The following FOXN3 variants were observed in gnomAD, a reference collection of about 807,000 sequenced individuals.
FOXN3 encodes forkhead box protein N3.
FOXN3 carries 7 observed loss-of-function variants against 38.4 expected under a neutral mutation model. That is an observed-to-expected ratio of 0.18 (90% CI 0.10 to 0.34). The LOEUF (loss-of-function observed/expected upper bound fraction) is 0.34, where lower values mean the gene tolerates loss of function less well. Ranked by LOEUF, FOXN3 falls within the 10% of genes least tolerant of loss-of-function variation. The pLI is 1.00. For missense variants in FOXN3, 456 were observed against 613.4 expected, an observed-to-expected ratio of 0.74 and a Z score of 2.71; for synonymous variants, 230 against 242.2, an observed-to-expected ratio of 0.95 and a Z score of 0.47.
At chr14:89,432,578 T>C (rs1892183201) in intron 1 of FOXN3, among the ~76,000 whole-genome samples, 4 of 152,162 alleles carry the variant, frequency 2.6e-5, no homozygotes, top group Admixed American at 2.0e-4. Context: ...TTCAAGAAGC[T>C]CACTCATTTG....
At chr14:89,420,885 T>TAAAAAAAAA (rs10654363), upstream of FOXN3, among the ~76,000 whole-genome samples, 3 of 140,820 alleles carry the variant, frequency 2.1e-5, no homozygotes, top group African/African-American at 2.6e-5. Context: ...AGATACGAAT[T>TAAAAAAAAA]AAAAAAAAAA....
chr14:89,240,108 C>T (rs571637450), intron 4 of FOXN3, among the ~76,000 whole-genome samples: 16 of 152,208 alleles, frequency 1.1e-4, no homozygotes, highest in African/African-American at 3.6e-4. Context: ...TTGCCATGGC[C>T]ACACCTCAAA....
chr14:89,524,301 G>A (rs1352811376), intron 1 of FOXN3, among the ~76,000 whole-genome samples: 1 of 137,938 alleles, frequency 7.2e-6, no homozygotes, highest in East Asian at 2.2e-4. Flanking sequence ...GTGAAACCCG[G>A]GGGGCAGAGC....
chr14:89,446,969 G>A (rs1020542435), intron 1 of FOXN3, among the ~76,000 whole-genome samples: 1 of 152,172 alleles, frequency 6.6e-6, no homozygotes, highest in African/African-American at 2.4e-5. Context: ...GGCCAAGGCG[G>A]GTGGATCACC....
intron 3 of FOXN3, among the ~76,000 whole-genome samples, chr14:89,284,116 G>A (rs544119822): frequency 2.0e-5 from 3 of 152,262 alleles, no homozygotes; most frequent in Admixed American, 6.5e-5. Context: ...CGATCCACTC[G>A]CCTTGGCCTC....
At position 89,412,182 on chromosome 14, in the gene FOXN3, C is replaced by A. The variant is rs1238844788; in HGVS notation, c.295G>T (p.Ala99Ser). The change falls in exon 2 of 6, where the codon GCC becomes TCC. Residue 99 changes from alanine to serine, a missense_variant. Physicochemically the swap from Ala to Ser is moderately conservative, Grantham distance 99. This residue lies in a region of FOXN3 where 386 missense variants were observed against 505.2 expected (regional missense o/e 0.76). Coordinates refer to ENST00000557258, the MANE Select transcript of FOXN3 (RefSeq NM_005197.4). The surrounding 1 kb of genome is among the most constrained non-coding windows in gnomAD (Gnocchi z 4.7). ...DLDDDTPPSP[A>S]HSDMPYDARQ... ...GCATCGTAGGGCATGTCAGAGTGGG[C>A]AGGGGATGGGGGGGTGTCATCGTCC... 1 of 1,611,878 alleles carries A rather than the reference C, an allele frequency of 6.2e-7. No individual in the cohort carries two copies. Among genetic ancestry groups the A allele is most frequent in the Non-Finnish European group, 8.5e-7 (1 of 1,178,852 alleles).
At chr14:89,414,513 C>A (rs550192681) in intron 1 of FOXN3, among the ~76,000 whole-genome samples, 1 of 150,566 alleles carries the variant, frequency 6.6e-6, no homozygotes, top group Non-Finnish European at 1.5e-5. Context: ...CTGCTAGACG[C>A]AAGGCCTAAG....
At position 89,530,083 on chromosome 14, in the gene FOXN3, G is replaced by A. The variant is rs7141821; in HGVS notation, c.-15+88945C>T. Among the ~76,000 whole-genome samples, 1,105 of 152,088 alleles carry A rather than the reference G, an allele frequency of 7.3e-3. 5 individuals are homozygous for A. The highest frequency in any genetic ancestry group is 0.025 in the African/African-American group (1,046 of 41,478). ...GCCTCCTGAGTAGCTAGGATTACAG[G>A]TGTGTGCCACCACGCCTGGCTAATT... On this transcript the variant is annotated intron_variant, in intron 1 of 6. Coordinates refer to the FOXN3 transcript ENST00000345097.
intron 4 of FOXN3, among the ~76,000 whole-genome samples, chr14:89,223,694 T>G (rs1862410760): frequency 6.6e-6 from 1 of 152,220 alleles, no homozygotes; most frequent in Non-Finnish European, 1.5e-5. Context: ...CGGCGCTGGT[T>G]GCTGGGGAAG....
intron 3 of FOXN3, among the ~76,000 whole-genome samples, chr14:89,297,256 G>A (rs1034296737): frequency 2.6e-5 from 4 of 152,012 alleles, no homozygotes; most frequent in African/African-American, 7.2e-5. Flanking sequence ...ACAGTATGGC[G>A]GTTCCTAAAA....
rs111284734 is a variant in FOXN3, at chr14:89,345,830, G to C, written c.680+4842C>G. Among the ~76,000 whole-genome samples the C allele has an allele frequency of 3.3e-3, 502 of 152,334 alleles. 4 individuals are homozygous for C. The highest frequency in any genetic ancestry group is 0.011 in the African/African-American group (461 of 41,574). ...CCCACTTAGGGAGACCGAGGTGGTG[G>C]ATCACAAGGTCAGGAGTTCAAGACC... On this transcript the variant is annotated intron_variant, in intron 3 of 5. Coordinates refer to ENST00000557258, the MANE Select transcript of FOXN3 (RefSeq NM_005197.4).
chr14:89,281,734 A>T (rs1488130829), intron 3 of FOXN3, among the ~76,000 whole-genome samples: 1 of 152,222 alleles, frequency 6.6e-6, no homozygotes, highest in Non-Finnish European at 1.5e-5. Flanking sequence ...TAACCAAGCC[A>T]GCCTTAGTAA....
rs551247351 is a variant in FOXN3 at position 89,257,197 on chromosome 14, A to AGG, written c.745+23751_745+23752dup. 1.4e-4 allele frequency among the ~76,000 whole-genome samples: 21 copies of AGG among 152,288 alleles called. No homozygotes were observed. The East Asian group carries it at 4.1e-3, about 29-fold the overall frequency. ...ATGGACCTATTTCCATTCCATCATG[A>AGG]GGGGCTGAGTCCCACCACCTTCCAT... On this transcript the variant is annotated intron_variant, in intron 4 of 5. Coordinates refer to ENST00000557258, the MANE Select transcript of FOXN3 (RefSeq NM_005197.4).
At chr14:89,209,903 C>T (rs1448039070) in intron 4 of FOXN3, among the ~76,000 whole-genome samples, 3 of 152,216 alleles carry the variant, frequency 2.0e-5, no homozygotes, top group Non-Finnish European at 4.4e-5. Flanking sequence ...TGATGAACTT[C>T]ATTCCACCAT....
chr14:89,421,768 A>G (rs1189229528), upstream of FOXN3, among the ~76,000 whole-genome samples: 13 of 152,040 alleles, frequency 8.6e-5, no homozygotes, highest in Admixed American at 8.5e-4. Context: ...ACCTCAGGTG[A>G]TCTGCCCGCC....
chr14:89,584,925 A>G (rs1288825624), intron 1 of FOXN3, among the ~76,000 whole-genome samples: 1 of 152,158 alleles, frequency 6.6e-6, no homozygotes, highest in African/African-American at 2.4e-5. Flanking sequence ...CGTGTTGGCC[A>G]GGCTGGTCTT....
chr14:89,493,305 G>T (rs555417484), intron 1 of FOXN3, among the ~76,000 whole-genome samples: 34 of 152,228 alleles, frequency 2.2e-4, no homozygotes, highest in African/African-American at 8.2e-4. Context: ...ATACTTGAAA[G>T]CTCCCACAAT....
In FOXN3 at chr14:89,291,306, C is replaced by T. The variant is rs140030233; in HGVS notation, c.681-10292G>A. 4.5e-4 allele frequency: 225 copies of T among 495,246 alleles called. 2 individuals carry two copies. In the East Asian group the frequency reaches 9.8e-3, roughly 22 times the overall value. 30.7% of individuals were successfully genotyped at this position (495,246 alleles called of 1,614,324 possible). On this transcript the variant is annotated intron_variant, in intron 3 of 5. Transcript: ENST00000557258. ...GATTTGGGTTTCAGAAATGCAGCCACGCATTCTCTCGGGGTTGTTGGTCAT... is the reference window on the plus strand; with the variant it reads ...GATTTGGGTTTCAGAAATGCAGCCATGCATTCTCTCGGGGTTGTTGGTCAT...
intron 4 of FOXN3, among the ~76,000 whole-genome samples, chr14:89,182,613 G>A (rs1887702583): frequency 6.6e-6 from 1 of 152,184 alleles, no homozygotes; most frequent in Non-Finnish European, 1.5e-5. Flanking sequence ...TCACAGAACT[G>A]TTAGAATGTG....
Sources: gnomAD v4.1 joint callset for allele counts (sites outside exome capture counted in the v4.1 genomes callset) on GRCh38, gnomAD v4.1.1 for gene constraint, gnomAD v4.1.1 regional missense constraint, Gnocchi (gnomAD v3.1) non-coding constraint, MANE v1.5 for transcripts, NCBI Gene and HGNC (gene_info 2026-07-23, HGNC 2026-07-21) for gene names.